CUL7: variants seen among roughly 807,000 people sequenced by gnomAD.
CUL7 encodes cullin 7.
In CUL7, 96 loss-of-function variants were observed where a neutral mutation model predicts 177.7. The observed-to-expected ratio is 0.54, with a 90% CI of 0.46 to 0.64. The LOEUF is 0.64. Ranked by LOEUF, CUL7 falls within the 30% of genes least tolerant of loss-of-function variation. CUL7 has a pLI of 0.00. For missense variants in CUL7, 1,893 were observed against 2,187.9 expected, an observed-to-expected ratio of 0.87 and a Z score of 2.69; for synonymous variants, 824 against 890.2, an observed-to-expected ratio of 0.93 and a Z score of 1.32.
chr6:43,042,925 C>A lies in CUL7; in HGVS notation c.3522G>T (p.Glu1174Asp). The change falls in exon 19 of 26, where the codon GAG becomes GAT. Residue 1174 changes from glutamate to aspartate, a missense_variant. Physicochemically the swap from Glu to Asp is conservative, Grantham distance 45 (BLOSUM62 2). Around this residue, in one of 5 missense-constraint regions of CUL7, gnomAD observed 973 missense variants for 1,140.9 expected, o/e 0.85. Transcript: ENST00000265348. Reference sequence around the variant, plus strand: ...TTGAGTTCTGCAGAATATTAAAGTGCTCACAGTAGCGTGGCACAAAGTCAT... The same window carrying A: ...TTGAGTTCTGCAGAATATTAAAGTGATCACAGTAGCGTGGCACAAAGTCAT... Reference protein sequence around the residue: ...RDDDFVPRYCEHFNILQNSSS... With the variant: ...RDDDFVPRYCDHFNILQNSSS... 2 of 1,614,174 alleles carry A rather than the reference C, an allele frequency of 1.2e-6. No individual in the cohort carries two copies. Among genetic ancestry groups the A allele is most frequent in the Non-Finnish European group, 1.7e-6 (2 of 1,180,020 alleles).
Position 43,050,445 on chromosome 6 carries a change from A to G in CUL7, c.1234-47T>C, listed in dbSNP as rs776958993. ...AGGGAAGGGGAAGGGAGGACTCACA[A>G]ATGACTGGCTGTGGCCCAGTACTGA... On this transcript the variant is annotated intron_variant, in intron 4 of 25. Transcript: ENST00000265348. The surrounding 1 kb of genome is among the most constrained non-coding windows in gnomAD (Gnocchi z 4.1). 11 of 1,611,678 alleles carry G rather than the reference A, an allele frequency of 6.8e-6. No homozygotes were observed. Among genetic ancestry groups the G allele is most frequent in the Non-Finnish European group, 8.5e-6 (10 of 1,179,212 alleles).
At chr6:43,041,162 T>G in intron 19 of CUL7, 87 bp from the exon 20 acceptor site, 1 of 1,338,660 alleles carries the variant, frequency 7.5e-7, no homozygotes, top group African/African-American at 1.4e-5. Flanking sequence ...GGAAAGTAGA[T>G]ATGAATGCTG....
Position 43,046,943 on chromosome 6 carries a change from C to A in CUL7, c.2334G>T (p.Lys778Asn). The A allele has an allele frequency of 6.2e-7, 1 of 1,613,834 alleles. No homozygotes were observed. The highest frequency in any genetic ancestry group is 8.5e-7 in the Non-Finnish European group (1 of 1,179,732). ...LAQELRDMVF[K>N]CEKHAHLYRK... is the part of the protein sequence containing the mutation. ...GGTAGAGGTGGGCATGCTTCTCACA[C>A]TTGAACACCATGTCCCGCAGCTCCT... The change falls in exon 10 of 26, where the codon AAG (lysine) becomes AAT (asparagine). Residue 778 changes from lysine to asparagine, a missense_variant. Physicochemically the swap from Lys to Asn is moderately conservative, Grantham distance 94 (BLOSUM62 0). Transcript: ENST00000265348.
At chr6:43,047,783 G>A (rs1158585687) in intron 9 of CUL7, among the ~76,000 whole-genome samples, 2 of 152,108 alleles carry the variant, frequency 1.3e-5, no homozygotes, top group Non-Finnish European at 2.9e-5. Context: ...ATCCTTTTGT[G>A]TAAAAAAGAG....
rs776082514 is a variant in CUL7 at position 43,052,272 on chromosome 6, G to T, written c.517C>A (p.Pro173Thr). The T allele has an allele frequency of 9.3e-6, 15 of 1,614,056 alleles. No homozygotes were observed. The highest frequency in any genetic ancestry group is 1.3e-5 in the Non-Finnish European group (15 of 1,180,044). ...GCACTCCAGCGAATCTGATAATCAG[G>T]ACTACTCAACATGTGCATGAGCAAG... ...LDLLMHMLSS[P>T]DYQIRWSAGR... Residue 173 changes from proline (P) to threonine (T), a missense_variant, in exon 2 of 26, where the codon CCT (proline) becomes ACT (threonine). Around this residue, in one of 5 missense-constraint regions of CUL7, gnomAD observed 653 missense variants for 725.2 expected, o/e 0.90. Coordinates refer to ENST00000265348, the MANE Select transcript of CUL7 (RefSeq NM_014780.5). The surrounding 1 kb of genome is among the most constrained non-coding windows in gnomAD (Gnocchi z 4.5).
In CUL7 at chr6:43,045,480, C is replaced by G. The variant is rs1200771614; in HGVS notation, c.2863-78G>C. The G allele has an allele frequency of 1.2e-6, 2 of 1,613,650 alleles. No homozygotes were observed. Among genetic ancestry groups the G allele is most frequent in the Non-Finnish European group, 1.7e-6 (2 of 1,179,610 alleles). ...GGGTCAGCTACGCCCTCGAACCTCA[C>G]CCCTGGAGCTGCTCGAGACCCAGGC... On this transcript the variant is annotated intron_variant, in intron 14 of 25. Transcript: ENST00000265348. This position sits in a 1 kb window ranked among gnomAD's most constrained non-coding sequence, Gnocchi z 4.8.
Position 43,051,398 on chromosome 6 carries a change from T to C in CUL7, c.803A>G (p.Asn268Ser), listed in dbSNP as rs776460412. 2 of 1,614,086 alleles carry C rather than the reference T, an allele frequency of 1.2e-6. No homozygotes were observed. Among genetic ancestry groups the C allele is most frequent in the East Asian group, 4.5e-5 (2 of 44,890 alleles). ...GGCTCCTGGCTCCGCAGCACTGTCGTTCAGCTGATCCAGGAGCGAGGTGAC... is the reference window on the plus strand; with the variant it reads ...GGCTCCTGGCTCCGCAGCACTGTCGCTCAGCTGATCCAGGAGCGAGGTGAC... Reference protein sequence around the residue: ...LHVTSLLDQLNDSAAEPGAQN... With the variant: ...LHVTSLLDQLSDSAAEPGAQN... The change falls in exon 4 of 26, where the codon AAC (asparagine) becomes AGC (serine). Residue 268 changes from asparagine (N) to serine (S), a missense_variant. By Grantham distance (46) the Asn-to-Ser change is conservative. Around this residue, in one of 5 missense-constraint regions of CUL7, gnomAD observed 653 missense variants for 725.2 expected, o/e 0.90. Transcript: ENST00000265348. The surrounding 1 kb of genome is among the most constrained non-coding windows in gnomAD (Gnocchi z 5.0).
chr6:43,042,916 A>T lies in CUL7; in HGVS notation c.3531T>A (p.Asn1177Lys), dbSNP rs747268494. ...GTTCAGAGCTTGAGTTCTGCAGAAT[A>T]TTAAAGTGCTCACAGTAGCGTGGCA... ...DFVPRYCEHF[N>K]ILQNSSSELF... is the part of the protein sequence containing the mutation. Residue 1177 changes from asparagine (N) to lysine (K), a missense_variant, in exon 19 of 26, where the codon AAT becomes AAA. Physicochemically the swap from Asn to Lys is moderately conservative, Grantham distance 94. This residue lies in a region of CUL7 where 973 missense variants were observed against 1,140.9 expected (regional missense o/e 0.85). Transcript: ENST00000265348. 1 of 1,614,210 alleles carries T rather than the reference A, an allele frequency of 6.2e-7. No homozygotes were observed. Among genetic ancestry groups the T allele is most frequent in the African/African-American group, 1.3e-5 (1 of 75,064 alleles).
At chr6:43,041,471 G>T (rs1763406624) in intron 19 of CUL7, among the ~76,000 whole-genome samples, 1 of 152,032 alleles carries the variant, frequency 6.6e-6, no homozygotes, top group Non-Finnish European at 1.5e-5. Flanking sequence ...AGCTGGGCAT[G>T]GTGGCACACG....
rs746836526 is a variant in CUL7, at chr6:43,040,496, C to A, written c.4023+34G>T. 6.2e-7 allele frequency: 1 copy of A among 1,613,326 alleles called. No homozygotes were observed. Among genetic ancestry groups the A allele is most frequent in the Non-Finnish European group, 8.5e-7 (1 of 1,180,010 alleles). ...TGCTCCACGCCCCTCTTCCCCCTAC[C>A]CTCTTATTTGCTTATCCCTTCCAAG... On this transcript the variant is annotated intron_variant, in intron 21 of 25. Transcript: ENST00000265348. This position sits in a 1 kb window ranked among gnomAD's most constrained non-coding sequence, Gnocchi z 4.2.
At chr6:43,039,059 G>A (rs879030495) in intron 22 of CUL7, 72 bp from the exon 23 acceptor site, 46 of 967,096 alleles carry the variant, frequency 4.8e-5, no homozygotes, top group South Asian at 1.5e-4. Context: ...GAGGGTGCAC[G>A]CTGGTCACGC....
chr6:43,053,488 G>C lies in CUL7; in HGVS notation c.-9+134C>G. On this transcript the variant is annotated intron_variant, in intron 1 of 25. Transcript: ENST00000265348. The surrounding 1 kb of genome is among the most constrained non-coding windows in gnomAD (Gnocchi z 4.1). Reference sequence around the variant, plus strand: ...GCCAGGGGCGCGCGGTAAGGTGGGGGAGAGGGGATTAGGCCCCATAAGCTA... The same window carrying C: ...GCCAGGGGCGCGCGGTAAGGTGGGGCAGAGGGGATTAGGCCCCATAAGCTA... 1 of 561,482 alleles carries C rather than the reference G, an allele frequency of 1.8e-6. No homozygotes were observed. The highest frequency in any genetic ancestry group is 3.4e-5 in the East Asian group (1 of 29,806). The allele number at this position is 561,482 out of a possible 1,614,324, so 34.8% of individuals were successfully genotyped here. A position where few individuals can be genotyped will look rare whatever the true frequency, so the allele number is the denominator to read the frequency against.
At chr6:43,038,137 T>C (rs967479590) in intron 25 of CUL7, 126 bp from the exon 26 acceptor site, 2 of 1,485,956 alleles carry the variant, frequency 1.3e-6, no homozygotes, top group Admixed American at 3.9e-5. Flanking sequence ...CATCCCGACC[T>C]CACTCCTCAC....
At position 43,042,860 on chromosome 6, in the gene CUL7, G is replaced by A. The variant is rs751032716; in HGVS notation, c.3587C>T (p.Ala1196Val). The A allele has an allele frequency of 3.1e-6, 5 of 1,613,712 alleles. No homozygotes were observed. Among genetic ancestry groups the A allele is most frequent in the Admixed American group, 3.3e-5 (2 of 59,970 alleles). Residue 1196 changes from alanine to valine, a missense_variant, in exon 19 of 26, where the codon GCG becomes GTG. Transcript: ENST00000265348. ...GGCTCCCGCACAGCCATTTTGCAGC[G>A]CCAGCAAGAAGGCTGCCCGAGGCCC... The part of the protein sequence containing the change: ...LFGPRAAFLL[A>V]LQNGCAGALL...
rs1314328277 is a variant in CUL7 at position 43,038,941 on chromosome 6, C to T, written c.4341G>A (p.Gln1447=). The T allele has an allele frequency of 4.3e-6, 7 of 1,613,424 alleles. No individual in the cohort carries two copies. The highest frequency in any genetic ancestry group is 5.9e-6 in the Non-Finnish European group (7 of 1,179,320). ...GCTCAGCCCAGCCCAGCCACGTCCACTGCAGTCGCCTCTGTGAGCCTCGCT... is the reference window on the plus strand; with the variant it reads ...GCTCAGCCCAGCCCAGCCACGTCCATTGCAGTCGCCTCTGTGAGCCTCGCT... ...ALERGSQRRL[Q]WTWLGWAELQ... Residue 1447 remains glutamine, a synonymous_variant, in exon 23 of 26, where the codon CAG becomes CAA. Transcript: ENST00000265348.
chr6:43,044,230 A>AAG (rs994510161), intron 16 of CUL7, among the ~76,000 whole-genome samples: 4 of 152,180 alleles, frequency 2.6e-5, no homozygotes, highest in Admixed American at 2.0e-4. Flanking sequence ...GGTGAGGCAG[A>AAG]AGAATCACTT....
At chr6:43,042,363 C>G (rs1336954024) in intron 19 of CUL7, among the ~76,000 whole-genome samples, 1 of 151,430 alleles carries the variant, frequency 6.6e-6, no homozygotes, top group Non-Finnish European at 1.5e-5. Flanking sequence ...TGAGATGAGT[C>G]TAGCTCTGTC....
chr6:43,050,883 G>A lies in CUL7; in HGVS notation c.1233+85C>T. On this transcript the variant is annotated intron_variant, in intron 4 of 25. Transcript: ENST00000265348. The surrounding 1 kb of genome is among the most constrained non-coding windows in gnomAD (Gnocchi z 4.1). ...CTAAAGCTTTCTCTTTGGGTGGCCT[G>A]CTGGAGCCCCCCCATATAGAAGTCC... is the stretch of plus-strand genomic sequence containing the variant. The A allele has an allele frequency of 6.5e-7, 1 of 1,531,960 alleles. No homozygotes were observed. The allele number at this position is 1,531,960 out of a possible 1,614,324, so 94.9% of individuals were successfully genotyped here. A position where few individuals can be genotyped will look rare whatever the true frequency, so the allele number is the denominator to read the frequency against.
Position 43,040,324 on chromosome 6 carries a change from C to T in CUL7, c.4126G>A (p.Glu1376Lys), listed in dbSNP as rs1581909055. The T allele has an allele frequency of 6.2e-7, 1 of 1,613,692 alleles. No individual in the cohort carries two copies. The highest frequency in any genetic ancestry group is 2.2e-5 in the East Asian group (1 of 44,794). Residue 1376 changes from glutamate (E) to lysine (K), a missense_variant, in exon 22 of 26, where the codon GAG becomes AAG. Glu to Lys is a moderately conservative substitution (Grantham distance 56). Around this residue, in one of 5 missense-constraint regions of CUL7, gnomAD observed 973 missense variants for 1,140.9 expected, o/e 0.85. Coordinates refer to ENST00000265348, the MANE Select transcript of CUL7 (RefSeq NM_014780.5). This position sits in a 1 kb window ranked among gnomAD's most constrained non-coding sequence, Gnocchi z 4.2. ...CCTTCATAGTAGAGGTCCTCATTCT[C>T]CTCCTCTTCCTCCTCTCCCTCCGCC... ...DVAEGEEEEE[E>K]NEDLYYEGAM...
Sources: allele counts gnomAD v4.1 joint callset (sites outside exome capture counted in the v4.1 genomes callset), GRCh38; gene constraint gnomAD v4.1.1; regional missense constraint gnomAD v4.1.1; non-coding constraint Gnocchi (gnomAD v3.1); transcripts MANE v1.5; gene names NCBI Gene and HGNC (gene_info 2026-07-23, HGNC 2026-07-21).